ITPR1: variants seen among roughly 807,000 people sequenced by gnomAD.
The protein encoded by ITPR1 is inositol 1,4,5-trisphosphate receptor type 1, also known as inositol 1,4,5-trisphosphate-gated calcium channel ITPR1.
ITPR1 carries 96 observed loss-of-function variants against 318.4 expected under a neutral mutation model. The ratio of observed to expected loss-of-function variants is 0.30; its 90% CI spans 0.26 to 0.36. The LOEUF (loss-of-function observed/expected upper bound fraction) is 0.36. Ranked by LOEUF, ITPR1 falls within the 10% of genes least tolerant of loss-of-function variation. The probability of loss-of-function intolerance (pLI) is 1.00; values close to 1 mark genes in which losing one functional copy is unlikely to be tolerated. For missense variants in ITPR1, 2,440 were observed against 3,460.2 expected (o/e 0.71, Z 7.40); for synonymous variants, 1,312 against 1,289.9 (o/e 1.02, Z -0.37).
Position 4,605,807 on chromosome 3 carries a change from C to T in ITPR1, c.164-21956C>T, listed in dbSNP as rs76541094. Among the ~76,000 whole-genome samples the T allele has an allele frequency of 4.9e-4, 75 of 152,238 alleles. No homozygotes were observed. The East Asian group carries it at 0.011, about 23-fold the overall frequency. ...GCTGAGGCCTAGAGTGTGAAGCTGG[C>T]GTGATTCCACTGGCCTTTCCTGGTC... On this transcript the variant is annotated intron_variant, in intron 4 of 61. Transcript: ENST00000649015.
intron 13 of ITPR1, among the ~76,000 whole-genome samples, chr3:4,659,708 CT>C (rs1559633027): frequency 6.6e-6 from 1 of 151,392 alleles, no homozygotes; most frequent in Non-Finnish European, 1.5e-5. Context: ...AAAAAAGAAA[CT>C]GTTATAGTCA....
chr3:4,658,349 A>C (rs1477700512), intron 13 of ITPR1, 71 bp downstream of exon 13: 2 of 1,321,392 alleles, frequency 1.5e-6, no homozygotes, highest in Non-Finnish European at 2.1e-6. Flanking sequence ...GTTTCTTGGA[A>C]TCCAAATCGT....
At chr3:4,730,534 TG>T (rs1194625250) in intron 42 of ITPR1, among the ~76,000 whole-genome samples, 4 of 151,866 alleles carry the variant, frequency 2.6e-5, no homozygotes, top group African/African-American at 9.7e-5. Context: ...AGAGACAAAA[TG>T]GTAATGTGAG....
rs564867891 is a variant in ITPR1, at chr3:4,838,341, G to A, written c.8190+1406G>A. Among the ~76,000 whole-genome samples, 41 of 143,168 alleles carry A rather than the reference G, an allele frequency of 2.9e-4. 1 individual carries two copies. Among genetic ancestry groups the A allele is most frequent in the African/African-American group, 8.9e-4 (34 of 38,158 alleles). The allele number at this position is 143,168 out of a possible 152,430, so 93.9% of individuals were successfully genotyped here. On this transcript the variant is annotated intron_variant, in intron 61 of 61. Transcript: ENST00000649015. Reference sequence around the variant, plus strand: ...TTTGCTTAATATTAACATTTTACCCGCCCCCCGCCGTGAAACATTTGGCAG... The same window carrying A: ...TTTGCTTAATATTAACATTTTACCCACCCCCCGCCGTGAAACATTTGGCAG...
rs1206788709 is a variant in ITPR1, at chr3:4,831,173, T to TCTCTCC, written c.8029-5596_8029-5591dup. The stretch of plus-strand genomic sequence containing the variant: ...CACACACTCACTCCCTCTCTCTGTC[T>TCTCTCC]CTCTCCCTCTTTCCAGTCAAGGACA... On this transcript the variant is annotated intron_variant, in intron 60 of 61. Coordinates refer to ENST00000649015, the MANE Select transcript of ITPR1 (RefSeq NM_001378452.1). 7 of 319,922 alleles carry TCTCTCC rather than the reference T, an allele frequency of 2.2e-5. No homozygotes were observed. The Admixed American group carries it at 2.6e-4, about 12-fold the overall frequency. The allele number at this position is 319,922 out of a possible 1,614,324, so 19.8% of individuals were successfully genotyped here.
At position 4,706,243 on chromosome 3, in the gene ITPR1, T is replaced by A; in HGVS notation, c.4734T>A (p.Ile1578=). Residue 1578 remains isoleucine (I), a synonymous_variant, in exon 37 of 62, where the codon ATT becomes ATA. Transcript: ENST00000649015. ...ACCTCTTTCTCAAGTCCCACAGCAT[T>A]GTGCAGAAAACAGCCATGAACTGGC... ...VNNLFLKSHS[I]VQKTAMNWRL... 6.2e-7 allele frequency: 1 copy of A among 1,614,086 alleles called. No individual in the cohort carries two copies. The highest frequency in any genetic ancestry group is 8.5e-7 in the Non-Finnish European group (1 of 1,179,910).
At chr3:4,659,888 C>A (rs937972871) in intron 13 of ITPR1, among the ~76,000 whole-genome samples, 13 of 151,926 alleles carry the variant, frequency 8.6e-5, no homozygotes, top group African/African-American at 2.4e-4. Context: ...AATTTGTATT[C>A]TATTAACTAG....
intron 41 of ITPR1, among the ~76,000 whole-genome samples, chr3:4,726,417 TG>T (rs1455556372): frequency 6.6e-6 from 1 of 152,150 alleles, no homozygotes; most frequent in East Asian, 1.9e-4. Flanking sequence ...TACTAAGGTC[TG>T]TAAGATCATA....
intron 42 of ITPR1, among the ~76,000 whole-genome samples, chr3:4,732,416 G>A (rs1295094086): frequency 4.6e-5 from 7 of 152,032 alleles, no homozygotes; most frequent in South Asian, 4.1e-4. Context: ...TATATCCCTC[G>A]CTGCTTCCCC....
chr3:4,681,641 G>A lies in ITPR1; in HGVS notation c.3161+223G>A, dbSNP rs1214113839. The stretch of plus-strand genomic sequence containing the variant: ...AGAGAGAAAGTGTGTGTGTGTGTGT[G>A]TGTGTGTGTGTGTGTGTCCCACCTA... On this transcript the variant is annotated intron_variant, in intron 26 of 61. Coordinates refer to ENST00000649015, the MANE Select transcript of ITPR1 (RefSeq NM_001378452.1). 2.0e-5 allele frequency among the ~76,000 whole-genome samples: 3 copies of A among 151,830 alleles called. 1 individual carries two copies. Among genetic ancestry groups the A allele is most frequent in the Non-Finnish European group, 4.4e-5 (3 of 67,928 alleles).
chr3:4,606,937 T>C (rs1171402550), intron 4 of ITPR1, among the ~76,000 whole-genome samples: 1 of 152,160 alleles, frequency 6.6e-6, no homozygotes, highest in Non-Finnish European at 1.5e-5. Context: ...GAATTTGGAA[T>C]GGCTGGAGTG....
In ITPR1 at chr3:4,619,822, C is replaced by T. The variant is rs972702167; in HGVS notation, c.164-7941C>T. Among the ~76,000 whole-genome samples, 97 of 97,344 alleles carry T rather than the reference C, an allele frequency of 1.0e-3. 2 individuals are homozygous for T. Among genetic ancestry groups the T allele is most frequent in the Admixed American group, 3.3e-3 (29 of 8,742 alleles). The allele number at this position is 97,344 out of a possible 152,430, so 63.9% of individuals were successfully genotyped here. Reference sequence around the variant, plus strand: ...CCTGCTCTCCTCTGCCCTCCCCTCCCCTCCTCTCCCCTCTCCCCTCTCCTT... The same window carrying T: ...CCTGCTCTCCTCTGCCCTCCCCTCCTCTCCTCTCCCCTCTCCCCTCTCCTT... On this transcript the variant is annotated intron_variant, in intron 4 of 61. Coordinates refer to ENST00000649015, the MANE Select transcript of ITPR1 (RefSeq NM_001378452.1).
Position 4,846,157 on chromosome 3 carries a change from C to A in ITPR1, c.8209C>A (p.Gln2737Lys). Residue 2737 changes from glutamine to lysine, a missense_variant, in exon 62 of 62, where the codon CAG (glutamine) becomes AAG (lysine). Around this residue, in one of 23 missense-constraint regions of ITPR1, gnomAD observed 63 missense variants for 63.4 expected, o/e 0.99. Coordinates refer to ENST00000649015, the MANE Select transcript of ITPR1 (RefSeq NM_001378452.1). ...LKDQMTEQRK[Q>K]KQRIGLLGHP... Reference sequence around the variant, plus strand: ...TTTCCAGATGACAGAACAAAGGAAGCAGAAACAAAGAATTGGTCTTCTAGG... The same window carrying A: ...TTTCCAGATGACAGAACAAAGGAAGAAGAAACAAAGAATTGGTCTTCTAGG... 1 of 1,562,844 alleles carries A rather than the reference C, an allele frequency of 6.4e-7. No homozygotes were observed. Among genetic ancestry groups the A allele is most frequent in the Non-Finnish European group, 8.7e-7 (1 of 1,152,588 alleles).
intron 4 of ITPR1, among the ~76,000 whole-genome samples, chr3:4,540,185 G>C (rs369909784): frequency 1.3e-5 from 2 of 151,964 alleles, no homozygotes; most frequent in East Asian, 3.9e-4. Flanking sequence ...TAAATGCTTA[G>C]ATTTATACAA....
Position 4,503,670 on chromosome 3 carries a change from C to T in ITPR1, c.-17+9164C>T, listed in dbSNP as rs1464178376. ...ACAGATCCTATGGTGCACAGGATAG[C>T]CCCCCACTCCCCTGCCCCACCACAC... On this transcript the variant is annotated intron_variant, in intron 2 of 61. Transcript: ENST00000649015. 2.0e-5 allele frequency among the ~76,000 whole-genome samples: 3 copies of T among 152,002 alleles called. No individual in the cohort carries two copies. In the South Asian group the frequency reaches 6.2e-4, roughly 32 times the overall value.
chr3:4,657,621 C>T (rs954935004), intron 12 of ITPR1, among the ~76,000 whole-genome samples: 5 of 152,074 alleles, frequency 3.3e-5, no homozygotes, highest in African/African-American at 1.2e-4. Flanking sequence ...GCGCCTGCCA[C>T]CACGCCCAGC....
intron 46 of ITPR1, among the ~76,000 whole-genome samples, 178 bp downstream of exon 46, chr3:4,768,942 C>T (rs1464565277): frequency 6.6e-6 from 1 of 150,616 alleles, no homozygotes; most frequent in Non-Finnish European, 1.5e-5. Context: ...TGGAGTCTCG[C>T]TCTGTCACCC....
At chr3:4,726,992 A>C (rs2125308517) in intron 41 of ITPR1, 134 bp from the exon 42 acceptor site, 2 of 721,382 alleles carry the variant, frequency 2.8e-6, no homozygotes, top group Non-Finnish European at 4.7e-6. Flanking sequence ...AAAAACAAAA[A>C]TCCAGACCTA....
intron 20 of ITPR1, among the ~76,000 whole-genome samples, chr3:4,671,201 G>A (rs1277857531): frequency 2.0e-5 from 3 of 152,150 alleles, no homozygotes; most frequent in South Asian, 4.1e-4. Flanking sequence ...TATGGTGGTA[G>A]GTACGTAAGA....
Sources: gnomAD v4.1 joint callset for allele counts (sites outside exome capture counted in the v4.1 genomes callset) on GRCh38, gnomAD v4.1.1 for gene constraint, gnomAD v4.1.1 regional missense constraint, MANE v1.5 for transcripts, NCBI Gene and HGNC (gene_info 2026-07-23, HGNC 2026-07-21) for gene names.